Variants in EPHA6 observed in about 807,000 individuals in gnomAD.
EPHA6 encodes the protein EPH receptor A6, also known as ephrin type-A receptor 6.
Under a neutral mutation model 112.0 loss-of-function variants are expected in EPHA6, and 50 were observed. That is an observed-to-expected ratio of 0.45 (90% CI 0.36 to 0.56). The LOEUF is 0.56. EPHA6 is among the 20% of genes least tolerant of loss of function. The probability of loss-of-function intolerance (pLI) is 0.00; values close to 1 mark genes in which losing one functional copy is unlikely to be tolerated. For synonymous variants in EPHA6, 529 were observed against 490.7 expected (o/e 1.08, Z -1.03); for missense variants, 1,280 against 1,417.4 (o/e 0.90, Z 1.56).
In EPHA6 at chr3:96,999,147, A is replaced by G. The variant is rs146480474; in HGVS notation, c.1114+11154A>G. Among the ~76,000 whole-genome samples, 20 of 152,006 alleles carry G rather than the reference A, an allele frequency of 1.3e-4. No homozygotes were observed. The East Asian group carries it at 3.9e-3, about 29-fold the overall frequency. On this transcript the variant is annotated intron_variant, in intron 3 of 17. Transcript: ENST00000389672. ...ACATTTCTAAGCATTTGGGTCTATC[A>G]TGTACTTTGGAATTGTAGTAGGCTG... is the stretch of plus-strand genomic sequence containing the variant.
chr3:97,302,327 G>A lies in EPHA6; in HGVS notation c.1606+58040G>A, dbSNP rs2108722517. The stretch of plus-strand genomic sequence containing the variant: ...CAAAGTAGTTTGAAAGTAGGAAAAT[G>A]AACTGCTCTTGTCATAATAAAATAC... On this transcript the variant is annotated intron_variant, in intron 5 of 17. Coordinates refer to ENST00000389672, the MANE Select transcript of EPHA6 (RefSeq NM_001080448.3). Among the ~76,000 whole-genome samples the A allele has an allele frequency of 1.3e-5, 2 of 151,910 alleles. 1 individual carries two copies. The highest frequency in any genetic ancestry group is 4.1e-4 in the South Asian group (2 of 4,822).
At chr3:97,035,754 T>A (rs551745409) in intron 3 of EPHA6, among the ~76,000 whole-genome samples, 6 of 152,160 alleles carry the variant, frequency 3.9e-5, no homozygotes, top group African/African-American at 1.2e-4. Flanking sequence ...GATATGTTAG[T>A]CATTTATAAT....
At chr3:97,156,912 GA>G (rs2076300976) in intron 3 of EPHA6, among the ~76,000 whole-genome samples, 1 of 152,030 alleles carries the variant, frequency 6.6e-6, no homozygotes, top group Non-Finnish European at 1.5e-5. Context: ...TATATTAAAT[GA>G]AAAAATTAGT....
chr3:97,546,098 C>T (rs984876342), intron 11 of EPHA6, among the ~76,000 whole-genome samples: 3 of 152,150 alleles, frequency 2.0e-5, no homozygotes, highest in African/African-American at 7.2e-5. Flanking sequence ...TGAATTTGAT[C>T]CTATCATTAT....
At position 96,951,011 on chromosome 3, in the gene EPHA6, A is replaced by C. The variant is rs575786157; in HGVS notation, c.451-36319A>C. On this transcript the variant is annotated intron_variant, in intron 2 of 17. Transcript: ENST00000389672. ...GTGTTGACTTCTTTGCTTTTTTTTT[A>C]CTTAGTTAAGAACTGATATTCAGCG... Among the ~76,000 whole-genome samples the C allele has an allele frequency of 8.6e-5, 13 of 150,402 alleles. No individual in the cohort carries two copies. The South Asian group carries it at 2.3e-3, about 27-fold the overall frequency.
intron 10 of EPHA6, among the ~76,000 whole-genome samples, chr3:97,513,325 A>G (rs1042564502): frequency 5.3e-5 from 8 of 152,236 alleles, no homozygotes; most frequent in African/African-American, 1.9e-4. Context: ...TGAATTCAGT[A>G]TGTCAAAGAG....
At chr3:96,852,157 T>C (rs552570870) in intron 1 of EPHA6, among the ~76,000 whole-genome samples, 2 of 152,052 alleles carry the variant, frequency 1.3e-5, no homozygotes, top group African/African-American at 4.8e-5. Context: ...AAGAAAAGAA[T>C]GGAAATGCCT....
rs148233925 is a variant in EPHA6 at position 97,039,427 on chromosome 3, A to G, written c.1114+51434A>G. 1.1e-4 allele frequency among the ~76,000 whole-genome samples: 16 copies of G among 152,204 alleles called. No individual in the cohort carries two copies. In the East Asian group the frequency reaches 3.1e-3, roughly 29 times the overall value. On this transcript the variant is annotated intron_variant, in intron 3 of 17. Transcript: ENST00000389672. ...TAAAATATAATTTGGAGAGTGGTAGACACAAGCCTGTTGGAGTAGATTGAA... is the reference window on the plus strand; with the variant it reads ...TAAAATATAATTTGGAGAGTGGTAGGCACAAGCCTGTTGGAGTAGATTGAA...
At position 97,760,727 on chromosome 3, in the gene EPHA6, CCTAGATAACATGT is replaced by C. The variant is rs1321288419; in HGVS notation, c.*12031_*12043del. The C allele has an allele frequency of 5.5e-6, 1 of 182,474 alleles. No individual in the cohort carries two copies. The allele number at this position is 182,474 out of a possible 1,614,324, so 11.3% of individuals were successfully genotyped here. A position where few individuals can be genotyped will look rare whatever the true frequency, so the allele number is the denominator to read the frequency against. On this transcript the variant is annotated 3_prime_UTR_variant, in exon 18 of 18. Transcript: ENST00000389672. ...CTAAATAGCATATTTATATAAAATACCTAGATAACATGTCTAGGTTGAGATATTTAATCCCTCA... is the reference window on the plus strand; with the variant it reads ...CTAAATAGCATATTTATATAAAATACCTAGGTTGAGATATTTAATCCCTCA...
intron 14 of EPHA6, among the ~76,000 whole-genome samples, chr3:97,672,365 T>C (rs2030933081): frequency 6.6e-6 from 1 of 152,204 alleles, no homozygotes; most frequent in Non-Finnish European, 1.5e-5. Flanking sequence ...TTATGACCAG[T>C]CCTTTTTCCA....
At chr3:96,815,843 A>C (rs1169812440) in intron 1 of EPHA6, among the ~76,000 whole-genome samples, 1 of 152,132 alleles carries the variant, frequency 6.6e-6, no homozygotes, top group Non-Finnish European at 1.5e-5. Flanking sequence ...GATCTATAAA[A>C]AGTACCACCT....
chr3:97,524,385 C>A (rs2092589463), intron 10 of EPHA6, among the ~76,000 whole-genome samples: 1 of 152,096 alleles, frequency 6.6e-6, no homozygotes, highest in East Asian at 1.9e-4. Flanking sequence ...TCCTCCCTCA[C>A]ACATTTTATG....
chr3:97,274,105 C>T (rs939808528), intron 5 of EPHA6, among the ~76,000 whole-genome samples: 41 of 152,026 alleles, frequency 2.7e-4, no homozygotes, highest in Admixed American at 1.9e-3. Flanking sequence ...GGCAGGCTAG[C>T]GGCTTATAAC....
chr3:97,094,249 G>T (rs138143549), intron 3 of EPHA6, among the ~76,000 whole-genome samples: 4 of 151,926 alleles, frequency 2.6e-5, no homozygotes, highest in Non-Finnish European at 5.9e-5. Flanking sequence ...TTGTTTTCAC[G>T]TGGAAATTAT....
At chr3:97,579,949 T>C (rs1399540704) in intron 11 of EPHA6, among the ~76,000 whole-genome samples, 1 of 152,198 alleles carries the variant, frequency 6.6e-6, no homozygotes, top group Non-Finnish European at 1.5e-5. Context: ...GCAGTAAAAT[T>C]GAATATAATA....
chr3:96,944,965 A>G (rs1263576169), intron 2 of EPHA6, among the ~76,000 whole-genome samples: 1 of 152,020 alleles, frequency 6.6e-6, no homozygotes, highest in African/African-American at 2.4e-5. Context: ...ACAAAAACAA[A>G]AACTGAACAC....
chr3:97,056,372 AG>A (rs1264517318), intron 3 of EPHA6, among the ~76,000 whole-genome samples: 38 of 152,284 alleles, frequency 2.5e-4, no homozygotes, highest in Non-Finnish European at 5.0e-4. Flanking sequence ...TGGAATTACA[AG>A]TCTCTTCTCC....
In EPHA6 at chr3:97,353,903, C is replaced by T. The variant is rs570226174; in HGVS notation, c.1607-51247C>T. Among the ~76,000 whole-genome samples the T allele has an allele frequency of 3.6e-4, 55 of 152,268 alleles. 1 individual carries two copies. Among genetic ancestry groups the T allele is most frequent in the African/African-American group, 1.2e-3 (48 of 41,554 alleles). On this transcript the variant is annotated intron_variant, in intron 5 of 17. Coordinates refer to ENST00000389672, the MANE Select transcript of EPHA6 (RefSeq NM_001080448.3). ...ACAGGGGTGCTTATGTTACCCCTCC[C>T]CCAGATCCAGGCAGTTCAGCTCAGA...
intron 2 of EPHA6, among the ~76,000 whole-genome samples, chr3:96,885,278 C>T (rs1418126059): frequency 6.6e-6 from 1 of 152,004 alleles, no homozygotes; most frequent in Non-Finnish European, 1.5e-5. Flanking sequence ...TCTATCTTGT[C>T]AAAGATAGTG....
Sources: gnomAD v4.1 joint callset for allele counts (sites outside exome capture counted in the v4.1 genomes callset) on GRCh38, gnomAD v4.1.1 for gene constraint, MANE v1.5 for transcripts, NCBI Gene and HGNC (gene_info 2026-07-23, HGNC 2026-07-21) for gene names.